The following DDX41 variants were observed in gnomAD, a reference collection of about 807,000 sequenced individuals.
The protein encoded by DDX41 is DEAD-box helicase 41, also known as probable ATP-dependent RNA helicase DDX41.
Under a neutral mutation model 78.8 loss-of-function variants are expected in DDX41, and 50 were observed. The ratio of observed to expected loss-of-function variants is 0.63; its 90% CI spans 0.51 to 0.80. The LOEUF (loss-of-function observed/expected upper bound fraction) is 0.80, where lower values mean the gene tolerates loss of function less well. Ranked by LOEUF, DDX41 falls within the 30% of genes least tolerant of loss-of-function variation. The pLI is 0.00. For synonymous variants in DDX41, 381 were observed against 321.5 expected (o/e 1.19, Z -1.98); for missense variants, 633 against 849.2 (o/e 0.75, Z 3.16).
At position 177,513,911 on chromosome 5, in the gene DDX41, A is replaced by G. The variant is rs1283373920; in HGVS notation, c.936-64T>C. ...GCCTATCACCTATCTAGAGGCAAGCAGGCACCCTGCATCTGCTCTGCTCTC... is the reference window on the plus strand; with the variant it reads ...GCCTATCACCTATCTAGAGGCAAGCGGGCACCCTGCATCTGCTCTGCTCTC... On this transcript the variant is annotated intron_variant, in intron 9 of 16. Coordinates refer to ENST00000330503, the MANE Select transcript of DDX41 (RefSeq NM_016222.4). The surrounding 1 kb of genome is among the most constrained non-coding windows in gnomAD (Gnocchi z 4.6). 1 of 1,533,774 alleles carries G rather than the reference A, an allele frequency of 6.5e-7. No individual in the cohort carries two copies. Among genetic ancestry groups the G allele is most frequent in the Non-Finnish European group, 9.0e-7 (1 of 1,113,072 alleles).
rs2127438034 is a variant in DDX41, at chr5:177,516,709, G to T, written c.138+16C>A. On this transcript the variant is annotated intron_variant, in intron 2 of 16. Transcript: ENST00000330503. ...GCGGTCACGGCCCCATCCCTCCCCG[G>T]ACGCGTGCCCCTCACCAGTAGCTGC... 1.3e-6 allele frequency: 2 copies of T among 1,574,558 alleles called. No individual in the cohort carries two copies. Among genetic ancestry groups the T allele is most frequent in the Non-Finnish European group, 1.7e-6 (2 of 1,160,362 alleles).
chr5:177,514,505 C>T lies in DDX41; in HGVS notation c.935+196G>A, dbSNP rs1005086944. The stretch of plus-strand genomic sequence containing the variant: ...CAGCAAGGTGGGCCATTCCATCTGC[C>T]GTGCTCCCACAGTACCTGGCCACAT... On this transcript the variant is annotated intron_variant, in intron 9 of 16. Coordinates refer to ENST00000330503, the MANE Select transcript of DDX41 (RefSeq NM_016222.4). This position sits in a 1 kb window ranked among gnomAD's most constrained non-coding sequence, Gnocchi z 4.2. Among the ~76,000 whole-genome samples, 5 of 152,340 alleles carry T rather than the reference C, an allele frequency of 3.3e-5. No homozygotes were observed. Among genetic ancestry groups the T allele is most frequent in the African/African-American group, 1.2e-4 (5 of 41,580 alleles).
In DDX41 at chr5:177,512,663, G is replaced by A; in HGVS notation, c.1400-18C>T. On this transcript the variant is annotated intron_variant, in intron 13 of 16. Transcript: ENST00000330503. ...CTCCTGGTCTGGGGAGGGTCAGGCA[G>A]ACACTGTCAGAGCCACCATGGGACA... 6.2e-7 allele frequency: 1 copy of A among 1,613,876 alleles called. No homozygotes were observed. Among genetic ancestry groups the A allele is most frequent in the Non-Finnish European group, 8.5e-7 (1 of 1,179,946 alleles).
chr5:177,512,950 C>T, intron 12 of DDX41, 61 bp downstream of exon 12: 1 of 1,608,028 alleles, frequency 6.2e-7, no homozygotes, highest in East Asian at 2.2e-5. Context: ...GCACTCTGTC[C>T]CCTCCAAAGC....
chr5:177,512,165 C>G lies in DDX41; in HGVS notation c.1663G>C (p.Ala555Pro). The change falls in exon 16 of 17, where the codon GCC becomes CCC. Residue 555 changes from alanine to proline, a missense_variant. By Grantham distance (27) the Ala-to-Pro change is conservative. Transcript: ENST00000330503. ...AGCACGGGCGGCACCTTCTGCTTGG[C>G]TTCTAGCAGCAGCGCTTTGAGGTCC... Reference protein sequence around the residue: ...LMDLKALLLEAKQKVPPVLQV... With the variant: ...LMDLKALLLEPKQKVPPVLQV... 1 of 1,613,676 alleles carries G rather than the reference C, an allele frequency of 6.2e-7. No individual in the cohort carries two copies. The highest frequency in any genetic ancestry group is 8.5e-7 in the Non-Finnish European group (1 of 1,180,036).
chr5:177,512,980 T>C (rs1255678155), intron 12 of DDX41, 31 bp downstream of exon 12: 3 of 1,612,234 alleles, frequency 1.9e-6, no homozygotes, highest in African/African-American at 1.3e-5. Context: ...TCCTGGGGAC[T>C]CTGGCCCCGG....
chr5:177,515,976 C>T lies in DDX41; in HGVS notation c.387G>A (p.Val129=). The change falls in exon 5 of 17, where the codon GTG becomes GTA. Residue 129 remains valine, a synonymous_variant. Transcript: ENST00000330503. ...SVAEGRALMS[V]KEMAKGITYD... ...ACGTAATGCCCTTAGCCATCTCCTT[C>T]ACTGACATCAATGCTGAAGAGAGAG... The T allele has an allele frequency of 6.2e-7, 1 of 1,614,240 alleles. No homozygotes were observed. Among genetic ancestry groups the T allele is most frequent in the Non-Finnish European group, 8.5e-7 (1 of 1,180,046 alleles).
rs1458617654 is a variant in DDX41 at position 177,513,210 on chromosome 5, A to T, written c.1231-128T>A. 2 of 1,521,038 alleles carry T rather than the reference A, an allele frequency of 1.3e-6. No homozygotes were observed. Among genetic ancestry groups the T allele is most frequent in the Non-Finnish European group, 1.8e-6 (2 of 1,120,378 alleles). The allele number at this position is 1,521,038 out of a possible 1,614,324, so 94.2% of individuals were successfully genotyped here. A position where few individuals can be genotyped will look rare whatever the true frequency, so the allele number is the denominator to read the frequency against. ...GGCCGCCAAGGGCTGGTGCCCTAAA[A>T]ATGGCCCTGGTTAAGCGTCAGGGGC... is the stretch of plus-strand genomic sequence containing the variant. On this transcript the variant is annotated intron_variant, in intron 11 of 16. Coordinates refer to ENST00000330503, the MANE Select transcript of DDX41 (RefSeq NM_016222.4). This position sits in a 1 kb window ranked among gnomAD's most constrained non-coding sequence, Gnocchi z 4.6.
In DDX41 at chr5:177,514,325, C is replaced by A; in HGVS notation, c.935+376G>T. 1 of 476,632 alleles carries A rather than the reference C, an allele frequency of 2.1e-6. No individual in the cohort carries two copies. Among genetic ancestry groups the A allele is most frequent in the Non-Finnish European group, 4.1e-6 (1 of 246,698 alleles). The allele number at this position is 476,632 out of a possible 1,614,324, so 29.5% of individuals were successfully genotyped here. ...CAGGTGCCGCTGGGATCCAGCCCTA[C>A]CCCAGTGCCTCAACCTCCTTGACTG... On this transcript the variant is annotated intron_variant, in intron 9 of 16. Transcript: ENST00000330503. This position sits in a 1 kb window ranked among gnomAD's most constrained non-coding sequence, Gnocchi z 4.2.
At position 177,515,247 on chromosome 5, in the gene DDX41, C is replaced by T. The variant is rs771510721; in HGVS notation, c.583G>A (p.Gly195Ser). Residue 195 changes from glycine (G) to serine (S), a missense_variant, in exon 7 of 17, where the codon GGC becomes AGC. By Grantham distance (56) the Gly-to-Ser change is moderately conservative. Transcript: ENST00000330503. Reference sequence around the variant, plus strand: ...TGGTGAATGCCTTTCTTCTTCAGGCCTCTCAGGATGGCTATGAAAACCAAC... The same window carrying T: ...TGGTGAATGCCTTTCTTCTTCAGGCTTCTCAGGATGGCTATGAAAACCAAC... ...EMKFPAAILR[G>S]LKKKGIHHPT... is the part of the protein sequence containing the mutation. 6 of 1,614,002 alleles carry T rather than the reference C, an allele frequency of 3.7e-6. No homozygotes were observed. In the Admixed American group the frequency reaches 5.0e-5, roughly 13 times the overall value.
At chr5:177,512,414 T>A in intron 14 of DDX41, 21 bp from the exon 15 acceptor site, 1 of 1,613,924 alleles carries the variant, frequency 6.2e-7, no homozygotes, top group Non-Finnish European at 8.5e-7. Flanking sequence ...AAGGACAGAG[T>A]CTCTGGCCCA....
chr5:177,515,028 G>A lies in DDX41; in HGVS notation c.686C>T (p.Ser229Leu). ...RDMIGIAFTG[S>L]GKTLVFTLPV... ...CAACGTGAACACCAGTGTCTTGCCT[G>A]AACCCGTGAAAGCGATGCCTATCAT... is the stretch of plus-strand genomic sequence containing the variant. The change falls in exon 8 of 17, where the codon TCA (serine) becomes TTA (leucine). Residue 229 changes from serine (S) to leucine (L), a missense_variant. Physicochemically the swap from Ser to Leu is moderately radical, Grantham distance 145. Coordinates refer to ENST00000330503, the MANE Select transcript of DDX41 (RefSeq NM_016222.4). 1 of 1,613,644 alleles carries A rather than the reference G, an allele frequency of 6.2e-7. No homozygotes were observed. The highest frequency in any genetic ancestry group is 8.5e-7 in the Non-Finnish European group (1 of 1,179,678).
chr5:177,512,620 G>A lies in DDX41; in HGVS notation c.1425C>T (p.Ile475=), dbSNP rs776477683. ...GKDQEERTKA[I]EAFREGKKDV... ...CCTTCTTGCCCTCCCGGAATGCCTCGATGGCCTTAGTCCGTTCCTCCTGGT... is the reference window on the plus strand; with the variant it reads ...CCTTCTTGCCCTCCCGGAATGCCTCAATGGCCTTAGTCCGTTCCTCCTGGT... The change falls in exon 14 of 17, where the codon ATC becomes ATT. Residue 475 remains isoleucine (I), a synonymous_variant. Coordinates refer to ENST00000330503, the MANE Select transcript of DDX41 (RefSeq NM_016222.4). The A allele has an allele frequency of 5.0e-6, 8 of 1,613,984 alleles. No individual in the cohort carries two copies. Among genetic ancestry groups the A allele is most frequent in the East Asian group, 4.5e-5 (2 of 44,896 alleles).
At position 177,515,713 on chromosome 5, in the gene DDX41, C is replaced by T. The variant is rs751504268; in HGVS notation, c.543G>A (p.Lys181=). The stretch of plus-strand genomic sequence containing the variant: ...CAGGAAACTTCATTTCCTTGAAGCT[C>T]TTGATGGGTGGTGGGATACCGTCTC... The part of the protein sequence containing the change: ...VEGDGIPPPI[K]SFKEMKFPAA... Residue 181 remains lysine (K), a synonymous_variant, in exon 6 of 17, where the codon AAG becomes AAA. Transcript: ENST00000330503. The T allele has an allele frequency of 3.7e-6, 6 of 1,614,114 alleles. No homozygotes were observed. The South Asian group carries it at 5.5e-5, about 15-fold the overall frequency.
chr5:177,515,397 A>C (rs1290462682), intron 6 of DDX41, 139 bp from the exon 7 acceptor site: 2 of 991,298 alleles, frequency 2.0e-6, no homozygotes, highest in Admixed American at 4.1e-5. Flanking sequence ...AGTGGAAAAA[A>C]AAAAAGAAAA....
In DDX41 at chr5:177,511,730, G is replaced by T. The variant is rs1328347522; in HGVS notation, c.*61C>A. The T allele has an allele frequency of 1.9e-6, 3 of 1,603,208 alleles. No homozygotes were observed. In the East Asian group the frequency reaches 6.7e-5, roughly 36 times the overall value. ...GATTCTGTCCAGGGGGCTGCTGTAT[G>T]TGTAGACTGGTGGCAGTCTTGGGGA... is the stretch of plus-strand genomic sequence containing the variant. On this transcript the variant is annotated 3_prime_UTR_variant, in exon 17 of 17. Coordinates refer to ENST00000330503, the MANE Select transcript of DDX41 (RefSeq NM_016222.4).
chr5:177,512,266 T>C, intron 15 of DDX41, 56 bp downstream of exon 15: 2 of 1,613,798 alleles, frequency 1.2e-6, no homozygotes, highest in Non-Finnish European at 1.7e-6. Flanking sequence ...AGAACCTGGG[T>C]GGCCACAGGC....
rs753356569 is a variant in DDX41, at chr5:177,516,004, A to G, written c.374-15T>C. On this transcript the variant is annotated splice_polypyrimidine_tract_variant and intron_variant, in intron 4 of 16. Transcript: ENST00000330503. ...TGACATCAATGCTGAAGAGAGAGACATGGCTCAGGGCTGGCTCCTGCTTCT... is the reference window on the plus strand; with the variant it reads ...TGACATCAATGCTGAAGAGAGAGACGTGGCTCAGGGCTGGCTCCTGCTTCT... 1.2e-6 allele frequency: 2 copies of G among 1,614,214 alleles called. No individual in the cohort carries two copies. Among genetic ancestry groups the G allele is most frequent in the East Asian group, 2.2e-5 (1 of 44,892 alleles).
chr5:177,512,890 C>G lies in DDX41; in HGVS notation c.1303-14G>C, dbSNP rs753792270. On this transcript the variant is annotated splice_polypyrimidine_tract_variant and intron_variant, in intron 12 of 16. Transcript: ENST00000330503. ...AAAGATGAGTACCTGTCCGGAAAGACCAACTCCAGTCAGGGGCTAACTGCC... is the reference window on the plus strand; with the variant it reads ...AAAGATGAGTACCTGTCCGGAAAGAGCAACTCCAGTCAGGGGCTAACTGCC... 4 of 1,613,300 alleles carry G rather than the reference C, an allele frequency of 2.5e-6. No homozygotes were observed. The South Asian group carries it at 3.3e-5, about 13-fold the overall frequency.
Sources: allele counts gnomAD v4.1 joint callset (sites outside exome capture counted in the v4.1 genomes callset), GRCh38; gene constraint gnomAD v4.1.1; non-coding constraint Gnocchi (gnomAD v3.1); transcripts MANE v1.5; gene names NCBI Gene and HGNC (gene_info 2026-07-23, HGNC 2026-07-21).